The following GLIS3 variants were observed in gnomAD, a reference collection of about 807,000 sequenced individuals.
The protein encoded by GLIS3 is GLIS family zinc finger 3.
A neutral mutation model predicts 78.6 loss-of-function variants in GLIS3; 53 were observed. That is an observed-to-expected ratio of 0.67 (90% CI 0.54 to 0.85). GLIS3 has a LOEUF of 0.85. GLIS3 is among the 40% of genes least tolerant of loss of function. GLIS3 has a pLI of 0.00. For synonymous variants in GLIS3, 684 were observed against 509.9 expected, an observed-to-expected ratio of 1.34 and a Z score of -4.60; for missense variants, 1,703 against 1,231.1, an observed-to-expected ratio of 1.38 and a Z score of -5.74.
intron 2 of GLIS3, among the ~76,000 whole-genome samples, chr9:4,265,028 C>T (rs10814903): frequency 0.15 from 21,983 of 151,372 alleles, 1,680 homozygotes; most frequent in African/African-American, 0.17. Context: ...AAAAATTAGC[C>T]GGGTGTGGTG....
intron 6 of GLIS3, among the ~76,000 whole-genome samples, chr9:3,909,790 T>C (rs611747): frequency 1 from 151,686 of 152,320 alleles, 75,531 homozygotes; most frequent in Middle Eastern, 1. Flanking sequence ...GCCTTTCCTG[T>C]CAACTCTGTA....
At chr9:4,414,064 T>C in the GLIS3 span, among the ~76,000 whole-genome samples, 1 of 152,152 alleles carries the variant, frequency 6.6e-6, no homozygotes, top group Admixed American at 6.5e-5. Context: ...TAAAGACTCA[T>C]GTACATTTCC....
At chr9:4,281,356 G>A (rs898925686) in intron 2 of GLIS3, among the ~76,000 whole-genome samples, 5 of 150,296 alleles carry the variant, frequency 3.3e-5, no homozygotes, top group African/African-American at 1.2e-4. Flanking sequence ...TCACATTATT[G>A]TGCAACCATC....
At chr9:3,983,941 G>C (rs1057044067) in intron 4 of GLIS3, among the ~76,000 whole-genome samples, 1 of 152,204 alleles carries the variant, frequency 6.6e-6, no homozygotes, top group African/African-American at 2.4e-5. Flanking sequence ...ATAATGAAGA[G>C]TCAAATGTTA....
intron 4 of GLIS3, among the ~76,000 whole-genome samples, chr9:4,080,146 T>G (rs1230586596): frequency 1.3e-5 from 2 of 152,248 alleles, no homozygotes; most frequent in Non-Finnish European, 2.9e-5. Context: ...GAAAACCGTG[T>G]GCTGTGGTTC....
In GLIS3 at chr9:4,258,522, C is replaced by A. The variant is rs535329119; in HGVS notation, c.388+27516G>T. On this transcript the variant is annotated intron_variant, in intron 2 of 10. Coordinates refer to ENST00000381971, the MANE Select transcript of GLIS3 (RefSeq NM_001042413.2). ...TTATCTTTGCAACTTTGCTGTAAAT[C>A]TAAAATTATCCTGAAAGAAAAAGTT... 5.3e-5 allele frequency among the ~76,000 whole-genome samples: 8 copies of A among 152,214 alleles called. No homozygotes were observed. In the South Asian group the frequency reaches 1.5e-3, roughly 28 times the overall value.
intron 2 of GLIS3, among the ~76,000 whole-genome samples, chr9:4,165,672 C>T (rs1053626195): frequency 1.3e-5 from 2 of 152,168 alleles, no homozygotes; most frequent in African/African-American, 4.8e-5. Context: ...CCTAAGATGC[C>T]ACGTGGTTTT....
the GLIS3 span, among the ~76,000 whole-genome samples, chr9:4,369,483 T>G: frequency 1.3e-5 from 2 of 152,212 alleles, no homozygotes; most frequent in East Asian, 1.9e-4. Context: ...GACTTCTACC[T>G]GTAAGTTCCA....
chr9:4,332,039 C>A (rs1817695678), intron 2 of GLIS3, among the ~76,000 whole-genome samples: 4 of 152,172 alleles, frequency 2.6e-5, no homozygotes, highest in Admixed American at 2.0e-4. Context: ...ATCCCTAAAT[C>A]TTCTCTCTTT....
the GLIS3 span, among the ~76,000 whole-genome samples, chr9:4,453,967 G>A: frequency 6.6e-6 from 1 of 151,824 alleles, no homozygotes; most frequent in Non-Finnish European, 1.5e-5. Context: ...TGCACGTTGT[G>A]CACATGTACC....
rs575981925 is a variant in GLIS3, at chr9:4,260,175, G to C, written c.388+25863C>G. Among the ~76,000 whole-genome samples the C allele has an allele frequency of 7.2e-5, 11 of 152,324 alleles. No homozygotes were observed. In the East Asian group the frequency reaches 2.1e-3, roughly 29 times the overall value. On this transcript the variant is annotated intron_variant, in intron 2 of 10. Transcript: ENST00000381971. Reference sequence around the variant, plus strand: ...GACATTGGGCCAGGCCCGATGGCCTGTAATCTTAGCACTTTGGGAGGCCGA... The same window carrying C: ...GACATTGGGCCAGGCCCGATGGCCTCTAATCTTAGCACTTTGGGAGGCCGA...
At chr9:3,839,334 G>T (rs1317416177) in intron 9 of GLIS3, among the ~76,000 whole-genome samples, 1 of 152,194 alleles carries the variant, frequency 6.6e-6, no homozygotes. Context: ...ATGGGCAGCA[G>T]AATGAAAACA....
intron 2 of GLIS3, chr9:4,152,165 C>T: frequency 1.0e-6 from 1 of 973,852 alleles, no homozygotes; most frequent in Non-Finnish European, 1.2e-6. Flanking sequence ...TCCTCCAACA[C>T]CCTTCAACCA....
intron 10 of GLIS3, among the ~76,000 whole-genome samples, chr9:3,828,799 T>G (rs1056585590): frequency 4.6e-5 from 7 of 151,874 alleles, no homozygotes; most frequent in Admixed American, 2.6e-4. Flanking sequence ...GGGAGAGGCA[T>G]GTGGGGTCAA....
At chr9:3,866,483 G>A (rs1820594401) in intron 8 of GLIS3, among the ~76,000 whole-genome samples, 4 of 152,060 alleles carry the variant, frequency 2.6e-5, no homozygotes, top group Admixed American at 2.6e-4. Flanking sequence ...AAGGGAGGCG[G>A]GAAAGAAAAG....
chr9:4,459,682 TTGAGCCCAGGAGGTCAAGTGAACCA>T, the GLIS3 span, among the ~76,000 whole-genome samples: 5 of 152,238 alleles, frequency 3.3e-5, no homozygotes, highest in South Asian at 2.1e-4. Flanking sequence ...GAAGGGCTGC[TTGAGCCCAGGAGGTCAAGTGAACCA>T]TGAGCCCAGG....
chr9:4,361,396 G>T, the GLIS3 span, among the ~76,000 whole-genome samples: 1 of 152,144 alleles, frequency 6.6e-6, no homozygotes, highest in Non-Finnish European at 1.5e-5. Flanking sequence ...GACCAATCTT[G>T]CTTCTCTTAC....
chr9:4,410,510 A>G, the GLIS3 span, among the ~76,000 whole-genome samples: 1 of 152,230 alleles, frequency 6.6e-6, no homozygotes, highest in Admixed American at 6.5e-5. Context: ...AACATTTCAT[A>G]AGAATTTCAC....
the GLIS3 span, among the ~76,000 whole-genome samples, chr9:4,425,313 A>G: frequency 6.6e-6 from 1 of 152,204 alleles, no homozygotes; most frequent in Non-Finnish European, 1.5e-5. Context: ...TTTATCAAAG[A>G]TATCATTATG....
Sources: allele counts gnomAD v4.1 joint callset (sites outside exome capture counted in the v4.1 genomes callset), GRCh38; gene constraint gnomAD v4.1.1; transcripts MANE v1.5; gene names NCBI Gene and HGNC (gene_info 2026-07-23, HGNC 2026-07-21).